Variants in NPSR1 observed in about 807,000 individuals in gnomAD.
The protein encoded by NPSR1 is neuropeptide S receptor 1, also known as neuropeptide S receptor.
In NPSR1, 48 loss-of-function variants were observed where a neutral mutation model predicts 46.9. The observed-to-expected ratio is 1.02, with a 90% CI of 0.81 to 1.30. NPSR1 has a LOEUF of 1.30. NPSR1 is among the 50% of genes most tolerant of loss of function. NPSR1 has a pLI of 0.00. For missense variants in NPSR1, 450 were observed against 449.5 expected, an observed-to-expected ratio of 1.00 and a Z score of -0.01; for synonymous variants, 176 against 168.1, an observed-to-expected ratio of 1.05 and a Z score of -0.36.
chr7:34,731,795 C>T (rs1784428560), intron 2 of NPSR1, among the ~76,000 whole-genome samples: 3 of 151,718 alleles, frequency 2.0e-5, no homozygotes, highest in African/African-American at 7.3e-5. Context: ...TCCACATGGC[C>T]AAAGGAAGGA....
chr7:34,813,297 A>G (rs1392210727), intron 4 of NPSR1, among the ~76,000 whole-genome samples: 1 of 152,164 alleles, frequency 6.6e-6, no homozygotes, highest in Non-Finnish European at 1.5e-5. Context: ...AAATATTTTA[A>G]TATTCATAAT....
At chr7:34,748,588 C>T (rs1785341795) in intron 2 of NPSR1, among the ~76,000 whole-genome samples, 1 of 152,176 alleles carries the variant, frequency 6.6e-6, no homozygotes, top group East Asian at 1.9e-4. Flanking sequence ...TACTGAGTCA[C>T]TCCTGGGCCA....
intron 1 of NPSR1, among the ~76,000 whole-genome samples, chr7:34,679,362 T>G (rs1482747797): frequency 6.6e-6 from 1 of 152,064 alleles, no homozygotes; most frequent in African/African-American, 2.4e-5. Flanking sequence ...ACAACATAGT[T>G]AGAAATATAT....
chr7:34,701,261 T>C (rs1307675244), intron 2 of NPSR1, among the ~76,000 whole-genome samples: 1 of 152,186 alleles, frequency 6.6e-6, no homozygotes, highest in African/African-American at 2.4e-5. Flanking sequence ...CCAAAAGAAA[T>C]TCAATTGCCA....
chr7:34,781,301 A>T (rs78548245), intron 3 of NPSR1, among the ~76,000 whole-genome samples: 3,191 of 152,306 alleles, frequency 0.021, 48 homozygotes, highest in Non-Finnish European at 0.035. Flanking sequence ...AAGATCATGG[A>T]GTAGGAGATA....
At chr7:34,819,047 A>G (rs1274770957) in intron 4 of NPSR1, among the ~76,000 whole-genome samples, 1 of 152,238 alleles carries the variant, frequency 6.6e-6, no homozygotes, top group Non-Finnish European at 1.5e-5. Context: ...AGCAATGGCA[A>G]CAAAAGCCAA....
chr7:34,872,474 G>A (rs12531930), intron 8 of NPSR1, among the ~76,000 whole-genome samples: 9,541 of 151,936 alleles, frequency 0.063, 962 homozygotes, highest in African/African-American at 0.18. Context: ...GCTCCACAGC[G>A]TGCTTGAACT....
chr7:34,794,972 G>C lies in NPSR1; in HGVS notation c.384+16407G>C, dbSNP rs35953591. ...GAGGATTATTTGAGCCCAGGGGTTA[G>C]AGGCTACAGTGAGCTATGATTGTGC... is the stretch of plus-strand genomic sequence containing the variant. On this transcript the variant is annotated intron_variant, in intron 3 of 8. Coordinates refer to ENST00000360581, the MANE Select transcript of NPSR1 (RefSeq NM_207172.2). 7.7e-3 allele frequency among the ~76,000 whole-genome samples: 1,165 copies of C among 152,216 alleles called. 18 individuals carry two copies. Among genetic ancestry groups the C allele is most frequent in the African/African-American group, 0.027 (1,116 of 41,544 alleles).
chr7:34,851,336 A>G (rs1456466343), downstream of NPSR1, among the ~76,000 whole-genome samples: 1 of 149,790 alleles, frequency 6.7e-6, no homozygotes, highest in Non-Finnish European at 1.5e-5. Flanking sequence ...ACTCTTTTCA[A>G]TTCGATCTGA....
intron 2 of NPSR1, among the ~76,000 whole-genome samples, chr7:34,728,075 GTTT>G (rs934954426): frequency 6.6e-6 from 1 of 150,894 alleles, no homozygotes. Flanking sequence ...TGAGGTGTAA[GTTT>G]TTTTTATTAT....
At chr7:34,710,728 C>A in intron 2 of NPSR1, 1 of 343,772 alleles carries the variant, frequency 2.9e-6, no homozygotes, top group Non-Finnish European at 5.6e-6. Flanking sequence ...CTCAATTATT[C>A]TGCCTATAAG....
At chr7:34,698,781 G>C (rs927983348) in intron 2 of NPSR1, among the ~76,000 whole-genome samples, 24 of 152,020 alleles carry the variant, frequency 1.6e-4, no homozygotes, top group Non-Finnish European at 2.6e-4. Context: ...TGTTTGACAA[G>C]GTTTAAAATC....
intron 2 of NPSR1, among the ~76,000 whole-genome samples, chr7:34,735,298 A>C (rs1160002954): frequency 6.6e-6 from 1 of 152,184 alleles, no homozygotes; most frequent in Non-Finnish European, 1.5e-5. Context: ...GTCTCCATTC[A>C]TAGCCATGTG....
chr7:34,834,495 T>C (rs1790276584), intron 6 of NPSR1, 35 bp downstream of exon 6: 3 of 1,463,812 alleles, frequency 2.0e-6, no homozygotes, highest in Non-Finnish European at 2.9e-6. Context: ...AATTCTTGGC[T>C]AATTTGCTTC....
At chr7:34,752,153 C>G (rs969702105) in intron 2 of NPSR1, 1 of 434,238 alleles carries the variant, frequency 2.3e-6, no homozygotes, top group Admixed American at 3.4e-5. Context: ...ACCTTCCAAA[C>G]TATATGTCTA....
intron 5 of NPSR1, among the ~76,000 whole-genome samples, chr7:34,831,218 C>T (rs189664761): frequency 6.6e-5 from 10 of 152,156 alleles, no homozygotes; most frequent in East Asian, 3.9e-4. Context: ...GAATGAATAA[C>T]GCAATAAATT....
intron 8 of NPSR1, among the ~76,000 whole-genome samples, chr7:34,867,111 C>T (rs1052902657): frequency 5.3e-5 from 8 of 151,480 alleles, no homozygotes; most frequent in African/African-American, 1.2e-4. Context: ...ACATGGGCTG[C>T]GGTAACATAG....
At position 34,703,409 on chromosome 7, in the gene NPSR1, A is replaced by AT. The variant is rs11476210; in HGVS notation, c.280+18735dup. ...AAATAAATAAATAAATAAATAAAGCATTTTTTTTTTCACTTTAGCCAGCGC... is the reference window on the plus strand; with the variant it reads ...AAATAAATAAATAAATAAATAAAGCATTTTTTTTTTTCACTTTAGCCAGCGC... On this transcript the variant is annotated intron_variant, in intron 2 of 8. Transcript: ENST00000360581. Among the ~76,000 whole-genome samples the AT allele has an allele frequency of 1.2e-3, 174 of 149,624 alleles. 1 individual carries two copies. The highest frequency in any genetic ancestry group is 1.8e-3 in the East Asian group (9 of 5,080).
At chr7:34,708,979 T>C (rs1406512700) in intron 2 of NPSR1, among the ~76,000 whole-genome samples, 4 of 152,050 alleles carry the variant, frequency 2.6e-5, no homozygotes, top group African/African-American at 9.7e-5. Context: ...TCAGAGAGGG[T>C]AAGTGGCCTC....
Sources: gnomAD v4.1 joint callset for allele counts (sites outside exome capture counted in the v4.1 genomes callset) on GRCh38, gnomAD v4.1.1 for gene constraint, MANE v1.5 for transcripts, NCBI Gene and HGNC (gene_info 2026-07-23, HGNC 2026-07-21) for gene names.